The following PPP1R14C variants were observed in gnomAD, a reference collection of about 807,000 sequenced individuals.
PPP1R14C encodes protein phosphatase 1 regulatory subunit 14C.
A neutral mutation model predicts 20.4 loss-of-function variants in PPP1R14C; 16 were observed. The observed-to-expected ratio is 0.78, with a 90% CI of 0.53 to 1.19. The LOEUF is 1.19. Among genes scored for constraint, PPP1R14C ranks in the 50% most tolerant of loss-of-function variants. PPP1R14C has a pLI of 0.00. For missense variants in PPP1R14C, 211 were observed against 220.1 expected (o/e 0.96, Z 0.26); for synonymous variants, 91 against 91.0 (o/e 1.00, Z 0.00).
chr6:150,168,533 C>CAACAAACAAAACAAAACAA (rs1554218103), intron 1 of PPP1R14C, among the ~76,000 whole-genome samples: 14 of 148,892 alleles, frequency 9.4e-5, no homozygotes, highest in African/African-American at 3.5e-4. Flanking sequence ...ACTCCCGTCT[C>CAACAAACAAAACAAAACAA]AACAAAACAA....
intron 1 of PPP1R14C, among the ~76,000 whole-genome samples, chr6:150,161,832 C>T (rs1555692): frequency 5.3e-5 from 8 of 152,182 alleles, no homozygotes; most frequent in Admixed American, 2.0e-4. Flanking sequence ...ATTGTTTTGT[C>T]ACATTCTGCA....
intron 2 of PPP1R14C, among the ~76,000 whole-genome samples, chr6:150,216,267 G>A (rs1360940411): frequency 6.6e-6 from 1 of 152,170 alleles, no homozygotes; most frequent in African/African-American, 2.4e-5. Flanking sequence ...AGGCCAAGGC[G>A]GGTGGATCAC....
intron 3 of PPP1R14C, among the ~76,000 whole-genome samples, chr6:150,239,523 C>T (rs1009830561): frequency 6.6e-6 from 1 of 152,126 alleles, no homozygotes; most frequent in African/African-American, 2.4e-5. Flanking sequence ...CTATTTTAAA[C>T]TGAATGAAAA....
intron 3 of PPP1R14C, among the ~76,000 whole-genome samples, chr6:150,219,088 T>C (rs1582924622): frequency 6.6e-6 from 1 of 152,216 alleles, no homozygotes; most frequent in Non-Finnish European, 1.5e-5. Flanking sequence ...AACAGTATTT[T>C]GTTAAATTAG....
chr6:150,187,691 A>G (rs946306807), intron 1 of PPP1R14C, among the ~76,000 whole-genome samples: 1 of 152,122 alleles, frequency 6.6e-6, no homozygotes, highest in East Asian at 1.9e-4. Flanking sequence ...TATCTAGTCT[A>G]TCATTGATGG....
intron 3 of PPP1R14C, among the ~76,000 whole-genome samples, chr6:150,233,373 G>A (rs1778315652): frequency 6.6e-6 from 1 of 152,174 alleles, no homozygotes; most frequent in East Asian, 1.9e-4. Context: ...TAGGCTAATT[G>A]ATATACACGA....
chr6:150,156,024 CAAAAAAAA>C (rs67908012), intron 1 of PPP1R14C, among the ~76,000 whole-genome samples: 127 of 38,426 alleles, frequency 3.3e-3, no homozygotes, highest in African/African-American at 9.8e-3. Flanking sequence ...GACTCTGTCT[CAAAAAAAA>C]AAAAAAAAAA....
At chr6:150,159,420 C>A (rs1257969834) in intron 1 of PPP1R14C, among the ~76,000 whole-genome samples, 1 of 152,106 alleles carries the variant, frequency 6.6e-6, no homozygotes, top group Non-Finnish European at 1.5e-5. Flanking sequence ...AGGCTCATGA[C>A]CTCCATGTTG....
At chr6:150,197,241 T>A (rs1324818852) in intron 1 of PPP1R14C, among the ~76,000 whole-genome samples, 2 of 152,068 alleles carry the variant, frequency 1.3e-5, no homozygotes, top group African/African-American at 4.8e-5. Flanking sequence ...AGGAGCCCAG[T>A]GTGAGAGGCT....
At chr6:150,224,196 A>G (rs914498229) in intron 3 of PPP1R14C, among the ~76,000 whole-genome samples, 6 of 152,148 alleles carry the variant, frequency 3.9e-5, no homozygotes, top group South Asian at 2.1e-4. Context: ...TTCTATTCCA[A>G]TTATCTACGT....
chr6:150,248,847 G>C lies in PPP1R14C; in HGVS notation c.*27G>C, dbSNP rs1395554683. ...TCTGGAACAGGGTGAAACTCTCCCA[G>C]AGACGAAGAAAGAGTCCTGGGATTT... On this transcript the variant is annotated 3_prime_UTR_variant, in exon 4 of 4. Coordinates refer to ENST00000361131, the MANE Select transcript of PPP1R14C (RefSeq NM_030949.3). 6.5e-7 allele frequency: 1 copy of C among 1,526,980 alleles called. No homozygotes were observed. The highest frequency in any genetic ancestry group is 1.7e-5 in the Admixed American group (1 of 59,146). 94.6% of individuals were successfully genotyped at this position (1,526,980 alleles called of 1,614,324 possible). A position where few individuals can be genotyped will look rare whatever the true frequency, so the allele number is the denominator to read the frequency against.
intron 1 of PPP1R14C, among the ~76,000 whole-genome samples, chr6:150,144,410 A>C (rs1482587981): frequency 6.6e-6 from 1 of 151,724 alleles, no homozygotes; most frequent in East Asian, 2.0e-4. Flanking sequence ...GACTGAAGCC[A>C]AAATGATCTC....
intron 3 of PPP1R14C, among the ~76,000 whole-genome samples, chr6:150,222,750 GC>G (rs1422071419): frequency 7.5e-6 from 1 of 133,582 alleles, no homozygotes; most frequent in Non-Finnish European, 1.6e-5. Flanking sequence ...AACATTTGAA[GC>G]CTTTTCAAAC....
At chr6:150,226,232 A>G (rs1378478914) in intron 3 of PPP1R14C, among the ~76,000 whole-genome samples, 1 of 152,256 alleles carries the variant, frequency 6.6e-6, no homozygotes, top group East Asian at 1.9e-4. Context: ...GTGATTAGTA[A>G]GAATGGTGAT....
rs144697318 is a variant in PPP1R14C at position 150,220,304 on chromosome 6, G to A, written c.423+3448G>A. On this transcript the variant is annotated intron_variant, in intron 3 of 3. Transcript: ENST00000361131. ...TCTCTGGAGATTCAGGATTTTTAGA[G>A]TTTGACCCTCAAATTCCCTATGTGA... Among the ~76,000 whole-genome samples, 693 of 152,288 alleles carry A rather than the reference G, an allele frequency of 4.6e-3. 4 individuals are homozygous for A. Among genetic ancestry groups the A allele is most frequent in the African/African-American group, 0.016 (652 of 41,562 alleles).
chr6:150,169,166 CG>C (rs1777470929), intron 1 of PPP1R14C, among the ~76,000 whole-genome samples: 1 of 152,178 alleles, frequency 6.6e-6, no homozygotes, highest in Admixed American at 6.5e-5. Flanking sequence ...CGTGAGCCAC[CG>C]TGCCCAGCCT....
In PPP1R14C at chr6:150,149,443, A is replaced by ATTTTTTTTTTTTT. The variant is rs1216146263; in HGVS notation, c.306+5956_306+5957insTTTTTTTTTTTTT. 1.7e-4 allele frequency among the ~76,000 whole-genome samples: 20 copies of ATTTTTTTTTTTTT among 119,946 alleles called. 2 individuals carry two copies. Among genetic ancestry groups the ATTTTTTTTTTTTT allele is most frequent in the African/African-American group, 5.9e-4 (18 of 30,308 alleles). 78.7% of individuals were successfully genotyped at this position (119,946 alleles called of 152,430 possible). A position where few individuals can be genotyped will look rare whatever the true frequency, so the allele number is the denominator to read the frequency against. On this transcript the variant is annotated intron_variant, in intron 1 of 3. Coordinates refer to ENST00000361131, the MANE Select transcript of PPP1R14C (RefSeq NM_030949.3). The stretch of plus-strand genomic sequence containing the variant: ...CAGGCTCAAGTGATCCTCCCACCTA[A>ATTTTTTTTTTTTT]TTTTTTTTTTTCTTTTTTTTTTTTT...
intron 1 of PPP1R14C, among the ~76,000 whole-genome samples, chr6:150,180,382 C>A (rs1030730427): frequency 6.6e-6 from 1 of 152,168 alleles, no homozygotes; most frequent in African/African-American, 2.4e-5. Flanking sequence ...GGCAAATAAC[C>A]CCGAGTCTCA....
chr6:150,145,987 G>A (rs1777176431), intron 1 of PPP1R14C, among the ~76,000 whole-genome samples: 1 of 152,202 alleles, frequency 6.6e-6, no homozygotes, highest in Admixed American at 6.5e-5. Flanking sequence ...AAGAGGAAGA[G>A]GAAAGAAGAA....
Sources: allele counts gnomAD v4.1 joint callset (sites outside exome capture counted in the v4.1 genomes callset), GRCh38; gene constraint gnomAD v4.1.1; transcripts MANE v1.5; gene names NCBI Gene and HGNC (gene_info 2026-07-23, HGNC 2026-07-21).